ARHGAP15: variants seen among roughly 807,000 people sequenced by gnomAD.
The protein encoded by ARHGAP15 is rho GTPase-activating protein 15.
ARHGAP15 carries 51 observed loss-of-function variants against 63.7 expected under a neutral mutation model. The ratio of observed to expected loss-of-function variants is 0.80; its 90% CI spans 0.64 to 1.01. ARHGAP15 has a LOEUF of 1.01. Ranked by LOEUF, ARHGAP15 falls within the 50% of genes least tolerant of loss-of-function variation. The pLI is 0.00. For missense variants in ARHGAP15, 560 were observed against 564.6 expected (o/e 0.99, Z 0.08); for synonymous variants, 191 against 193.8 (o/e 0.99, Z 0.12).
intron 8 of ARHGAP15, among the ~76,000 whole-genome samples, chr2:143,479,222 A>G (rs1691961458): frequency 1.3e-5 from 2 of 152,178 alleles, no homozygotes; most frequent in Non-Finnish European, 2.9e-5. Flanking sequence ...TTATATATGC[A>G]TGTGTTTTAT....
chr2:143,478,191 G>C (rs1362650150), intron 8 of ARHGAP15, among the ~76,000 whole-genome samples: 1 of 152,128 alleles, frequency 6.6e-6, no homozygotes. Flanking sequence ...TGTCCATGGT[G>C]GTTACAGTTC....
At chr2:143,468,659 AGAGAGTGTGTGT>A (rs1691362269) in intron 8 of ARHGAP15, among the ~76,000 whole-genome samples, 1 of 109,768 alleles carries the variant, frequency 9.1e-6, no homozygotes, top group African/African-American at 3.4e-5. Context: ...AGAGAGAGAG[AGAGAGTGTGTGT>A]GTGTGTGTGT....
intron 1 of ARHGAP15, among the ~76,000 whole-genome samples, chr2:143,144,216 C>T (rs1310311737): frequency 6.6e-6 from 1 of 152,034 alleles, no homozygotes; most frequent in South Asian, 2.1e-4. Context: ...ATAGTTGCCT[C>T]AATGAATATA....
intron 6 of ARHGAP15, among the ~76,000 whole-genome samples, chr2:143,264,052 CAG>C (rs1680875262): frequency 6.7e-6 from 1 of 149,968 alleles, no homozygotes; most frequent in African/African-American, 2.4e-5. Context: ...GGGGTGAACT[CAG>C]GGAGAGGCAC....
intron 2 of ARHGAP15, among the ~76,000 whole-genome samples, chr2:143,171,441 A>G (rs973530867): frequency 6.6e-6 from 1 of 152,126 alleles, no homozygotes; most frequent in Non-Finnish European, 1.5e-5. Context: ...CTGGCAGTAA[A>G]ATAAGGCATC....
At chr2:143,752,624 CAGA>C (rs1686423594) in intron 13 of ARHGAP15, among the ~76,000 whole-genome samples, 1 of 152,152 alleles carries the variant, frequency 6.6e-6, no homozygotes, top group African/African-American at 2.4e-5. Flanking sequence ...TTCAGTTCTC[CAGA>C]AGGAGCCCCT....
At chr2:143,157,283 TG>T (rs1472495376) in intron 2 of ARHGAP15, among the ~76,000 whole-genome samples, 4 of 151,974 alleles carry the variant, frequency 2.6e-5, no homozygotes, top group African/African-American at 9.7e-5. Flanking sequence ...CATATCAATA[TG>T]CAAAAGTTAA....
rs1337461832 is a variant in ARHGAP15 at position 143,701,903 on chromosome 2, T to A, written c.1139-1516T>A. Among the ~76,000 whole-genome samples the A allele has an allele frequency of 1.3e-5, 2 of 152,072 alleles. 1 individual carries two copies. The highest frequency in any genetic ancestry group is 2.9e-5 in the Non-Finnish European group (2 of 68,024). Reference sequence around the variant, plus strand: ...TCAAAGAAACAGAAAGGAGGAAAGGTACACAGGCTAAAAGCTAAATCAGCT... The same window carrying A: ...TCAAAGAAACAGAAAGGAGGAAAGGAACACAGGCTAAAAGCTAAATCAGCT... On this transcript the variant is annotated intron_variant, in intron 12 of 13. Coordinates refer to ENST00000295095, the MANE Select transcript of ARHGAP15 (RefSeq NM_018460.4).
chr2:143,244,780 G>A (rs1006854355), intron 5 of ARHGAP15, among the ~76,000 whole-genome samples: 1 of 152,156 alleles, frequency 6.6e-6, no homozygotes, highest in African/African-American at 2.4e-5. Context: ...GAATTGCAAG[G>A]GTTTTTGACT....
chr2:143,631,614 T>G (rs1359419165), intron 12 of ARHGAP15, among the ~76,000 whole-genome samples: 1 of 152,128 alleles, frequency 6.6e-6, no homozygotes, highest in Non-Finnish European at 1.5e-5. Flanking sequence ...TTCCATTATT[T>G]TCTGCAGTTA....
At chr2:143,660,560 T>C (rs191531536) in intron 12 of ARHGAP15, among the ~76,000 whole-genome samples, 78 of 152,340 alleles carry the variant, frequency 5.1e-4, no homozygotes, top group African/African-American at 1.8e-3. Context: ...TTATGAATTA[T>C]TAGGAGATCA....
At chr2:143,550,968 A>T (rs1407155776) in intron 10 of ARHGAP15, among the ~76,000 whole-genome samples, 1 of 152,184 alleles carries the variant, frequency 6.6e-6, no homozygotes, top group Non-Finnish European at 1.5e-5. Context: ...AGATAATTTG[A>T]TATGCTAAGA....
intron 6 of ARHGAP15, among the ~76,000 whole-genome samples, chr2:143,362,482 C>T (rs183215406): frequency 1.3e-5 from 2 of 152,304 alleles, no homozygotes; most frequent in Admixed American, 1.3e-4. Context: ...GATTGATCTT[C>T]AACCCCTTTA....
chr2:143,158,684 G>A (rs1343632290), intron 2 of ARHGAP15, among the ~76,000 whole-genome samples: 1 of 151,868 alleles, frequency 6.6e-6, no homozygotes, highest in Non-Finnish European at 1.5e-5. Context: ...CCCTTTGGTG[G>A]GGAAAGAACA....
At chr2:143,491,742 G>GT (rs1044484930) in intron 9 of ARHGAP15, among the ~76,000 whole-genome samples, 1 of 151,826 alleles carries the variant, frequency 6.6e-6, no homozygotes, top group Non-Finnish European at 1.5e-5. Flanking sequence ...AAGCTGGTTT[G>GT]TTTTTTTGTC....
intron 2 of ARHGAP15, among the ~76,000 whole-genome samples, chr2:143,188,837 A>T (rs2105085505): frequency 6.6e-6 from 1 of 151,544 alleles, no homozygotes; most frequent in East Asian, 1.9e-4. Flanking sequence ...TATTGGCCAG[A>T]CTGGTCTCGA....
intron 12 of ARHGAP15, among the ~76,000 whole-genome samples, chr2:143,685,662 T>C (rs770308613): frequency 2.0e-5 from 3 of 152,182 alleles, no homozygotes; most frequent in Non-Finnish European, 4.4e-5. Context: ...ATGCCAGTTC[T>C]TTATGCAAAA....
At chr2:143,233,618 T>C (rs926762052) in intron 5 of ARHGAP15, among the ~76,000 whole-genome samples, 3 of 151,784 alleles carry the variant, frequency 2.0e-5, no homozygotes, top group African/African-American at 4.8e-5. Flanking sequence ...CTGTCATTAA[T>C]ATATTTCAAA....
At chr2:143,135,552 T>A (rs1164536911) in intron 1 of ARHGAP15, among the ~76,000 whole-genome samples, 1 of 152,212 alleles carries the variant, frequency 6.6e-6, no homozygotes, top group Non-Finnish European at 1.5e-5. Flanking sequence ...TCCAGTGCCA[T>A]AGAAATATTA....
Sources: gnomAD v4.1 joint callset for allele counts (sites outside exome capture counted in the v4.1 genomes callset) on GRCh38, gnomAD v4.1.1 for gene constraint, MANE v1.5 for transcripts, NCBI Gene and HGNC (gene_info 2026-07-23, HGNC 2026-07-21) for gene names.